STPG2: variants seen among roughly 807,000 people sequenced by gnomAD.
STPG2 encodes sperm-tail PG-rich repeat-containing protein 2.
A neutral mutation model predicts 54.2 loss-of-function variants in STPG2; 56 were observed. The ratio of observed to expected loss-of-function variants is 1.03; its 90% confidence interval spans 0.83 to 1.29. The LOEUF (loss-of-function observed/expected upper bound fraction) is 1.29, where lower values mean the gene tolerates loss of function less well. STPG2 is among the 50% of genes most tolerant of loss of function. The probability of loss-of-function intolerance (pLI) is 0.00; values close to 1 mark genes in which losing one functional copy is unlikely to be tolerated. For synonymous variants in STPG2, 200 were observed against 181.8 expected, an observed-to-expected ratio of 1.10 and a Z score of -0.81; for missense variants, 596 against 544.9, an observed-to-expected ratio of 1.09 and a Z score of -0.93.
chr4:97,511,532 C>T (rs1730972220), intron 4 of STPG2, among the ~76,000 whole-genome samples: 1 of 151,888 alleles, frequency 6.6e-6, no homozygotes, highest in African/African-American at 2.4e-5. Flanking sequence ...GTATACCTCT[C>T]TCAGTAACTG....
intron 5 of STPG2, among the ~76,000 whole-genome samples, chr4:98,021,751 G>A (rs1202794693): frequency 6.6e-6 from 1 of 151,800 alleles, no homozygotes; most frequent in Non-Finnish European, 1.5e-5. Flanking sequence ...TTGTTGAATT[G>A]ATCCCTTTAC....
Position 98,035,755 on chromosome 4 carries a change from A to G in STPG2, c.613-54437T>C, listed in dbSNP as rs1578801693. On this transcript the variant is annotated intron_variant, in intron 5 of 10. Transcript: ENST00000295268. The stretch of plus-strand genomic sequence containing the variant: ...ATGTGGCACATATACACCATGGAAT[A>G]CTATGCAGCCATAAAAAAGGATGAG... Among the ~76,000 whole-genome samples, 7 of 152,332 alleles carry G rather than the reference A, an allele frequency of 4.6e-5. 1 individual carries two copies. In the Middle Eastern group the frequency reaches 0.024, roughly 518 times the overall value.
chr4:97,712,829 A>G lies in STPG2; in HGVS notation c.1205-15T>C, dbSNP rs374076079. 9 of 1,521,402 alleles carry G rather than the reference A, an allele frequency of 5.9e-6. No individual in the cohort carries two copies. Among genetic ancestry groups the G allele is most frequent in the South Asian group, 2.5e-5 (2 of 81,130 alleles). The allele number at this position is 1,521,402 out of a possible 1,614,324, so 94.2% of individuals were successfully genotyped here. ...TGCTGCAGGACCTGAGAGACAACAA[A>G]TGTAAAAATTATGATAAAGTATATT... On this transcript the variant is annotated splice_polypyrimidine_tract_variant and intron_variant, in intron 9 of 10. Coordinates refer to ENST00000295268, the MANE Select transcript of STPG2 (RefSeq NM_174952.3).
At chr4:97,798,698 T>C (rs1727284129) in intron 9 of STPG2, among the ~76,000 whole-genome samples, 1 of 120,426 alleles carries the variant, frequency 8.3e-6, no homozygotes, top group Admixed American at 9.3e-5. Context: ...GTCTATTAGG[T>C]CCACTTGTTG....
intron 4 of STPG2, among the ~76,000 whole-genome samples, chr4:97,510,379 A>G (rs1408791879): frequency 6.6e-6 from 1 of 152,098 alleles, no homozygotes; most frequent in African/African-American, 2.4e-5. Context: ...AGGACAGTAG[A>G]AGGAAAAGGA....
intron 4 of STPG2, among the ~76,000 whole-genome samples, chr4:97,537,828 T>A (rs148785053): frequency 0.012 from 1,857 of 152,186 alleles, 57 homozygotes; most frequent in East Asian, 0.036. Flanking sequence ...CATGGCCAGG[T>A]ACCCTTCTGA....
intron 5 of STPG2, among the ~76,000 whole-genome samples, chr4:98,022,404 C>A (rs1454613726): frequency 6.6e-6 from 1 of 152,218 alleles, no homozygotes; most frequent in Non-Finnish European, 1.5e-5. Flanking sequence ...GTCTGATGGG[C>A]TTCCCTTTGT....
chr4:98,134,420 C>A lies in STPG2; in HGVS notation c.149G>T (p.Ser50Ile), dbSNP rs772597596. 2.5e-6 allele frequency: 4 copies of A among 1,589,568 alleles called. No homozygotes were observed. The highest frequency in any genetic ancestry group is 3.4e-6 in the Non-Finnish European group (4 of 1,165,604). ...AATGCTAGAGGCAATGGTAAAAGTA[C>A]TTTCTCTGGCAGTCAAAGAAAGAAA... ...APFLSLTARE[S>I]TFTIASSIEK... The change falls in exon 2 of 11, where the codon AGT becomes ATT. Residue 50 changes from serine to isoleucine, a missense_variant. Coordinates refer to ENST00000295268, the MANE Select transcript of STPG2 (RefSeq NM_174952.3).
intron 10 of STPG2, among the ~76,000 whole-genome samples, chr4:97,657,559 G>T (rs1578458884): frequency 1.3e-5 from 2 of 152,290 alleles, no homozygotes; most frequent in South Asian, 4.1e-4. Flanking sequence ...TGGGCCTGAA[G>T]ATCCTAGTCT....
At chr4:97,496,856 C>T (rs1263878806) in intron 4 of STPG2, among the ~76,000 whole-genome samples, 1 of 151,726 alleles carries the variant, frequency 6.6e-6, no homozygotes, top group Non-Finnish European at 1.5e-5. Flanking sequence ...AGTATTTCTT[C>T]AGGAGTTGTT....
chr4:97,591,072 C>T (rs1267480295), intron 10 of STPG2, among the ~76,000 whole-genome samples: 1 of 151,798 alleles, frequency 6.6e-6, no homozygotes. Context: ...GCAGAATAAC[C>T]CTGCAAGTTC....
intron 5 of STPG2, among the ~76,000 whole-genome samples, chr4:98,104,396 A>G (rs1178025138): frequency 3.3e-5 from 5 of 152,174 alleles, no homozygotes; most frequent in Admixed American, 3.3e-4. Flanking sequence ...CTATATTTTA[A>G]CCAGTTCATT....
At chr4:97,872,137 T>C (rs1730013317) in intron 8 of STPG2, among the ~76,000 whole-genome samples, 1 of 151,042 alleles carries the variant, frequency 6.6e-6, no homozygotes, top group Non-Finnish European at 1.5e-5. Context: ...AATAATAAAA[T>C]ACTTTATTGA....
intron 9 of STPG2, among the ~76,000 whole-genome samples, chr4:97,823,644 G>T (rs1728158643): frequency 6.6e-6 from 1 of 152,094 alleles, no homozygotes; most frequent in South Asian, 2.1e-4. Flanking sequence ...ATCTCTTGGG[G>T]TCTGGATTTG....
chr4:98,015,557 AAC>A (rs1272436256), intron 5 of STPG2, among the ~76,000 whole-genome samples: 11 of 152,196 alleles, frequency 7.2e-5, no homozygotes, highest in African/African-American at 2.2e-4. Context: ...GTCAGGAAAC[AAC>A]AGATGCTGGA....
chr4:97,853,985 ATTG>A (rs1300068506), intron 8 of STPG2, among the ~76,000 whole-genome samples: 1 of 151,582 alleles, frequency 6.6e-6, no homozygotes, highest in African/African-American at 2.4e-5. Flanking sequence ...TGTGTTTTTT[ATTG>A]TTGTTGTTTG....
At chr4:98,129,270 A>G (rs1249810191) in intron 2 of STPG2, among the ~76,000 whole-genome samples, 1 of 152,180 alleles carries the variant, frequency 6.6e-6, no homozygotes, top group African/African-American at 2.4e-5. Flanking sequence ...TCATGCTATT[A>G]TACTATCTAC....
chr4:98,055,835 A>T (rs13112037), intron 5 of STPG2, among the ~76,000 whole-genome samples: 59,935 of 151,986 alleles, frequency 0.39, 12,050 homozygotes, highest in Middle Eastern at 0.46. Context: ...GGCCTCTCTC[A>T]GGGCCCAGCC....
At chr4:97,539,911 G>T (rs1731650162) in intron 4 of STPG2, among the ~76,000 whole-genome samples, 2 of 152,140 alleles carry the variant, frequency 1.3e-5, no homozygotes, top group Non-Finnish European at 2.9e-5. Context: ...CAGAAATAAA[G>T]ATTTCTTTGA....
Sources: gnomAD v4.1 joint callset for allele counts (sites outside exome capture counted in the v4.1 genomes callset) on GRCh38, gnomAD v4.1.1 for gene constraint, MANE v1.5 for transcripts, NCBI Gene and HGNC (gene_info 2026-07-23, HGNC 2026-07-21) for gene names.